Variants in SEM1 observed in about 807,000 individuals in gnomAD.
SEM1 encodes 26S proteasome complex subunit SEM1.
Under a neutral mutation model 12.7 loss-of-function variants are expected in SEM1, and 3 were observed. The ratio of observed to expected loss-of-function variants is 0.24; its 90% CI spans 0.11 to 0.61. SEM1 has a LOEUF of 0.61. SEM1 is among the 20% of genes least tolerant of loss of function. The pLI is 0.88. For synonymous variants in SEM1, 30 were observed against 27.8 expected, an observed-to-expected ratio of 1.08 and a Z score of -0.25; for missense variants, 59 against 81.3, an observed-to-expected ratio of 0.73 and a Z score of 1.06.
intron 2 of SEM1, among the ~76,000 whole-genome samples, chr7:96,601,673 C>A (rs941447602): frequency 6.6e-6 from 1 of 152,018 alleles, no homozygotes; most frequent in Non-Finnish European, 1.5e-5. Flanking sequence ...TTTACTGTCA[C>A]TGAGATTGGG....
chr7:96,665,682 C>T (rs1158375880), intron 2 of SEM1, among the ~76,000 whole-genome samples: 1 of 152,166 alleles, frequency 6.6e-6, no homozygotes, highest in Non-Finnish European at 1.5e-5. Flanking sequence ...AACTGTACAT[C>T]AAATGACAAA....
intron 2 of SEM1, among the ~76,000 whole-genome samples, chr7:96,564,413 T>C (rs1246299057): frequency 6.6e-6 from 1 of 151,216 alleles, no homozygotes; most frequent in Non-Finnish European, 1.5e-5. Flanking sequence ...GGTGATGCCA[T>C]CCAAAAAAAA....
chr7:96,698,331 T>G (rs555663887), intron 1 of SEM1, among the ~76,000 whole-genome samples: 1 of 152,016 alleles, frequency 6.6e-6, no homozygotes, highest in Admixed American at 6.6e-5. Context: ...TGTGCCACAG[T>G]GGTTTGCTGC....
At chr7:96,509,874 G>A (rs1803882301) in intron 2 of SEM1, among the ~76,000 whole-genome samples, 2 of 150,202 alleles carry the variant, frequency 1.3e-5, no homozygotes, top group East Asian at 3.9e-4. Flanking sequence ...AAAGTAGGAT[G>A]GTGGTAGCCA....
At chr7:96,609,798 T>C (rs1328443953) in intron 2 of SEM1, among the ~76,000 whole-genome samples, 1 of 152,130 alleles carries the variant, frequency 6.6e-6, no homozygotes, top group East Asian at 1.9e-4. Flanking sequence ...GCAAGATGTA[T>C]AAGGAAATAA....
At chr7:96,638,937 C>T (rs1808509275) in intron 2 of SEM1, among the ~76,000 whole-genome samples, 1 of 151,862 alleles carries the variant, frequency 6.6e-6, no homozygotes, top group Admixed American at 6.6e-5. Flanking sequence ...CTCAATATCC[C>T]AACACTTGAA....
chr7:96,539,776 A>G (rs1444376276), intron 2 of SEM1, among the ~76,000 whole-genome samples: 1 of 151,768 alleles, frequency 6.6e-6, no homozygotes, highest in Non-Finnish European at 1.5e-5. Context: ...ATATGTGCTC[A>G]ATAAATACTT....
At chr7:96,547,518 G>T (rs1805139416) in intron 2 of SEM1, among the ~76,000 whole-genome samples, 1 of 152,156 alleles carries the variant, frequency 6.6e-6, no homozygotes. Flanking sequence ...AAATGCAGGT[G>T]TGGGTTTTTG....
At chr7:96,483,992 T>C (rs539610478) in intron 3 of SEM1, 2 of 1,495,796 alleles carry the variant, frequency 1.3e-6, no homozygotes, top group Admixed American at 2.3e-5. Context: ...CAGGGACCTA[T>C]GAAGAAGAAT....
At chr7:96,709,495 T>C (rs1403597180) in intron 1 of SEM1, among the ~76,000 whole-genome samples, 193 bp downstream of exon 1, 2 of 152,136 alleles carry the variant, frequency 1.3e-5, no homozygotes, top group East Asian at 1.9e-4. Context: ...GCCTCACCAG[T>C]GAGTCCCAGC....
intron 2 of SEM1, among the ~76,000 whole-genome samples, chr7:96,522,586 ATGT>A (rs907691963): frequency 4.7e-5 from 7 of 150,148 alleles, no homozygotes; most frequent in Admixed American, 4.0e-4. Context: ...AAAAAAAAAG[ATGT>A]TGTTGGGGTC....
intron 2 of SEM1, among the ~76,000 whole-genome samples, chr7:96,544,248 C>T (rs539459085): frequency 2.2e-4 from 34 of 152,058 alleles, no homozygotes; most frequent in African/African-American, 7.7e-4. Context: ...ATCTCAGTTC[C>T]AAATAAACTT....
intron 2 of SEM1, among the ~76,000 whole-genome samples, chr7:96,563,657 G>T (rs949800044): frequency 6.6e-6 from 1 of 152,070 alleles, no homozygotes; most frequent in African/African-American, 2.4e-5. Context: ...GAAGTTAGGA[G>T]ACAGGACTCA....
chr7:96,486,202 C>G lies in SEM1; in HGVS notation c.227+1G>C, dbSNP rs1253354309. ...TCCTCCTGTGGCTGTCATCTGCTTA[C>G]CTGCAGACCCAGGCTAACTCTGTTG... is the stretch of plus-strand genomic sequence containing the variant. On this transcript the variant is annotated splice_donor_variant, in intron 2 of 3. Transcript: ENST00000356686. LOFTEE classifies it high-confidence loss of function. 6.5e-7 allele frequency: 1 copy of G among 1,533,404 alleles called. No individual in the cohort carries two copies. The highest frequency in any genetic ancestry group is 1.2e-5 in the South Asian group (1 of 83,964). The allele number at this position is 1,533,404 out of a possible 1,614,324, so 95.0% of individuals were successfully genotyped here.
downstream of SEM1, among the ~76,000 whole-genome samples, chr7:96,686,091 G>GA (rs1162065758): frequency 2.6e-5 from 4 of 152,036 alleles, no homozygotes; most frequent in African/African-American, 4.8e-5. Flanking sequence ...AACTTACTCT[G>GA]AGACTGTTTT....
At chr7:96,518,371 TA>T (rs1804162973) in intron 2 of SEM1, among the ~76,000 whole-genome samples, 2 of 152,118 alleles carry the variant, frequency 1.3e-5, no homozygotes, top group Non-Finnish European at 1.5e-5. Flanking sequence ...ATGTGCATAT[TA>T]AAATAAGAAT....
chr7:96,594,299 A>G (rs550515512), intron 2 of SEM1, among the ~76,000 whole-genome samples: 67 of 152,038 alleles, frequency 4.4e-4, no homozygotes, highest in African/African-American at 1.6e-3. Context: ...TCCAAGAGCC[A>G]TTTCTTCTCA....
intron 1 of SEM1, among the ~76,000 whole-genome samples, chr7:96,489,927 A>G (rs1802937817): frequency 6.6e-6 from 1 of 152,128 alleles, no homozygotes; most frequent in Non-Finnish European, 1.5e-5. Flanking sequence ...CACCTTAATT[A>G]TATCTGCAAA....
chr7:96,585,564 G>T (rs1290724690), intron 2 of SEM1, among the ~76,000 whole-genome samples: 1 of 152,230 alleles, frequency 6.6e-6, no homozygotes, highest in Non-Finnish European at 1.5e-5. Context: ...CCCTCCCCCA[G>T]CCTCGCTGCT....
Sources: allele counts gnomAD v4.1 joint callset (sites outside exome capture counted in the v4.1 genomes callset), GRCh38; gene constraint gnomAD v4.1.1; transcripts MANE v1.5; gene names NCBI Gene and HGNC (gene_info 2026-07-23, HGNC 2026-07-21).